The following CREM variants were observed in gnomAD, a reference collection of about 807,000 sequenced individuals.
CREM encodes cAMP-responsive element modulator.
A neutral mutation model predicts 37.3 loss-of-function variants in CREM; 13 were observed. That is an observed-to-expected ratio of 0.35 (90% confidence interval 0.23 to 0.55). CREM has a LOEUF of 0.55. Ranked by LOEUF, CREM falls within the 20% of genes least tolerant of loss-of-function variation. The probability of loss-of-function intolerance (pLI) is 0.88; values close to 1 mark genes in which losing one functional copy is unlikely to be tolerated. For synonymous variants in CREM, 124 were observed against 120.2 expected (o/e 1.03, Z -0.21); for missense variants, 296 against 362.3 (o/e 0.82, Z 1.49).
chr10:35,184,893 C>T (rs1352020505), intron 5 of CREM, among the ~76,000 whole-genome samples: 2 of 152,090 alleles, frequency 1.3e-5, no homozygotes, highest in African/African-American at 4.8e-5. Flanking sequence ...TTGACTTGAT[C>T]GTTATTTAAA....
intron 3 of CREM, chr10:35,176,076 A>G (rs991369717): frequency 1.2e-5 from 18 of 1,488,764 alleles, no homozygotes; most frequent in Non-Finnish European, 1.6e-5. Flanking sequence ...TTCATTTATC[A>G]TTTTTCTTTA....
At chr10:35,165,659 TAA>T (rs1318600785) in intron 3 of CREM, among the ~76,000 whole-genome samples, 4 of 152,002 alleles carry the variant, frequency 2.6e-5, no homozygotes, top group Admixed American at 2.0e-4. Context: ...CTTCCAGAGC[TAA>T]AAGAGTTTGA....
intron 6 of CREM, chr10:35,196,680 A>G (rs1404743896): frequency 2.6e-5 from 4 of 152,254 alleles, no homozygotes; most frequent in African/African-American, 9.7e-5. Flanking sequence ...TGAACTTAAA[A>G]TCATCTCAAA....
chr10:35,152,504 G>T (rs1188313698), intron 3 of CREM: 1 of 152,194 alleles, frequency 6.6e-6, no homozygotes, highest in African/African-American at 2.4e-5. Flanking sequence ...ATGTCAAAAA[G>T]TTGGAAGCAG....
chr10:35,152,900 A>G (rs557111471), intron 3 of CREM, among the ~76,000 whole-genome samples: 1 of 152,350 alleles, frequency 6.6e-6, no homozygotes, highest in African/African-American at 2.4e-5. Context: ...AAACATACAT[A>G]AGAGTAGAAG....
intron 3 of CREM, among the ~76,000 whole-genome samples, chr10:35,178,374 C>T (rs1407842029): frequency 6.6e-6 from 1 of 152,206 alleles, no homozygotes; most frequent in East Asian, 1.9e-4. Flanking sequence ...TTTACCCAGG[C>T]TTGCTTACTG....
Position 35,195,346 on chromosome 10 carries a change from A to G in CREM, c.598+6958A>G, listed in dbSNP as rs148912095. 8.8e-5 allele frequency: 74 copies of G among 844,806 alleles called. No homozygotes were observed. The African/African-American group carries it at 1.2e-3, about 13-fold the overall frequency. 52.3% of individuals were successfully genotyped at this position (844,806 alleles called of 1,614,324 possible). A position where few individuals can be genotyped will look rare whatever the true frequency, so the allele number is the denominator to read the frequency against. ...ACTTAGGTGTAAGACTTTTTTTGAA[A>G]TATACATCTATATATTCAGCTCACT... On this transcript the variant is annotated intron_variant, in intron 6 of 7. Coordinates refer to ENST00000685392, the MANE Select transcript of CREM (RefSeq NM_183011.2).
At chr10:35,172,029 G>A (rs967758062) in intron 3 of CREM, among the ~76,000 whole-genome samples, 1 of 152,170 alleles carries the variant, frequency 6.6e-6, no homozygotes, top group Non-Finnish European at 1.5e-5. Flanking sequence ...CCTCCAGAGA[G>A]CTCAGTTTGG....
intron 3 of CREM, among the ~76,000 whole-genome samples, chr10:35,166,390 G>C (rs1031249237): frequency 6.6e-6 from 1 of 151,812 alleles, no homozygotes; most frequent in Admixed American, 6.6e-5. Context: ...GTGAAACTCC[G>C]TCTCTACTAA....
At chr10:35,201,348 T>A (rs1453361799) in intron 6 of CREM, 2 of 1,213,674 alleles carry the variant, frequency 1.6e-6, no homozygotes, top group African/African-American at 3.0e-5. Context: ...AACTAACATT[T>A]GTGGAGTGCC....
chr10:35,199,460 TA>T (rs925240904), intron 6 of CREM, among the ~76,000 whole-genome samples: 1 of 152,142 alleles, frequency 6.6e-6, no homozygotes, highest in Non-Finnish European at 1.5e-5. Flanking sequence ...AACTTTAAAA[TA>T]AAAAAATCAC....
At chr10:35,197,468 T>A (rs538082055) in intron 6 of CREM, among the ~76,000 whole-genome samples, 256 of 136,048 alleles carry the variant, frequency 1.9e-3, no homozygotes, top group African/African-American at 6.1e-3. Flanking sequence ...TTATTTATTT[T>A]ATGAGACGGA....
chr10:35,185,259 C>T (rs908029722), intron 5 of CREM, among the ~76,000 whole-genome samples: 1 of 152,074 alleles, frequency 6.6e-6, no homozygotes. Context: ...TGCACCACCA[C>T]GCCTGGCTAA....
chr10:35,130,724 G>A (rs2089203482), intron 1 of CREM, among the ~76,000 whole-genome samples: 1 of 152,188 alleles, frequency 6.6e-6, no homozygotes, highest in South Asian at 2.1e-4. Flanking sequence ...TGCTGTACAG[G>A]TTTTGTAGCC....
intron 3 of CREM, among the ~76,000 whole-genome samples, chr10:35,156,556 T>A (rs185046265): frequency 6.6e-6 from 1 of 152,336 alleles, no homozygotes; most frequent in Admixed American, 6.5e-5. Flanking sequence ...AGCCAGAGAC[T>A]ATTTTCTTTC....
intron 3 of CREM, among the ~76,000 whole-genome samples, chr10:35,177,028 G>A (rs920365298): frequency 6.6e-6 from 1 of 151,530 alleles, no homozygotes; most frequent in Non-Finnish European, 1.5e-5. Flanking sequence ...CATTTTTAAG[G>A]TCAGTTATTA....
Position 35,151,371 on chromosome 10 carries a change from T to G in CREM, c.168+2880T>G, listed in dbSNP as rs577808464. ...GTTGTTTTTGTTTTGTTTCGTTTTG[T>G]TTTTTTGAGACAGAGTCTCACTATG... On this transcript the variant is annotated intron_variant, in intron 3 of 7. Coordinates refer to ENST00000685392, the MANE Select transcript of CREM (RefSeq NM_183011.2). Among the ~76,000 whole-genome samples, 5 of 152,304 alleles carry G rather than the reference T, an allele frequency of 3.3e-5. No individual in the cohort carries two copies. In the South Asian group the frequency reaches 1.0e-3, roughly 32 times the overall value.
intron 2 of CREM, among the ~76,000 whole-genome samples, chr10:35,145,794 A>AG (rs2092032689): frequency 6.6e-6 from 1 of 150,796 alleles, no homozygotes; most frequent in Admixed American, 6.6e-5. Context: ...AAAAAAAAAA[A>AG]AAAAAGAAAT....
At chr10:35,204,328 A>G (rs11010121) in intron 6 of CREM, among the ~76,000 whole-genome samples, 50,099 of 152,032 alleles carry the variant, frequency 0.33, 8,361 homozygotes, top group South Asian at 0.35. Context: ...TAGGCCAGGC[A>G]CAGTGGCTCA....
Sources: gnomAD v4.1 joint callset for allele counts (sites outside exome capture counted in the v4.1 genomes callset) on GRCh38, gnomAD v4.1.1 for gene constraint, MANE v1.5 for transcripts, NCBI Gene and HGNC (gene_info 2026-07-23, HGNC 2026-07-21) for gene names.